Variants in ADGRG7 observed in about 807,000 individuals in gnomAD.
ADGRG7 encodes the protein G-protein coupled receptor 128.
ADGRG7 carries 82 observed loss-of-function variants against 88.6 expected under a neutral mutation model. The ratio of observed to expected loss-of-function variants is 0.93; its 90% CI spans 0.77 to 1.11. ADGRG7 has a LOEUF of 1.11. Among genes scored for constraint, ADGRG7 ranks in the 50% most tolerant of loss-of-function variants. The probability of loss-of-function intolerance (pLI) is 0.00; values close to 1 mark genes in which losing one functional copy is unlikely to be tolerated. For synonymous variants in ADGRG7, 381 were observed against 345.2 expected (o/e 1.10, Z -1.15); for missense variants, 945 against 953.4 (o/e 0.99, Z 0.12).
intron 10 of ADGRG7, 124 bp downstream of exon 10, chr3:100,646,848 A>G (rs1224123095): frequency 1.1e-6 from 1 of 872,978 alleles, no homozygotes; most frequent in Non-Finnish European, 1.7e-6. Context: ...GATTAAATAG[A>G]AAAACAAGAA....
In ADGRG7 at chr3:100,668,920, C is replaced by T. The variant is rs752315931; in HGVS notation, c.1980-29C>T. On this transcript the variant is annotated intron_variant, in intron 14 of 15. Transcript: ENST00000273352. ...TGATAAGTAAAACCCTAATGAACCA[C>T]ATTATTTTTCTTGTTTTCTTTCACC... 11 of 1,537,924 alleles carry T rather than the reference C, an allele frequency of 7.2e-6. No individual in the cohort carries two copies. In the Admixed American group the frequency reaches 1.9e-4, roughly 27 times the overall value.
At chr3:100,612,278 A>G (rs1707165299) in intron 1 of ADGRG7, among the ~76,000 whole-genome samples, 1 of 152,194 alleles carries the variant, frequency 6.6e-6, no homozygotes, top group Non-Finnish European at 1.5e-5. Context: ...CTGATTTGGC[A>G]GTAAACACTG....
Position 100,649,716 on chromosome 3 carries a change from T to C in ADGRG7, c.1288T>C (p.Tyr430His). The change falls in exon 11 of 16, where the codon TAT (tyrosine) becomes CAT (histidine). Residue 430 changes from tyrosine to histidine, a missense_variant. Coordinates refer to ENST00000273352, the MANE Select transcript of ADGRG7 (RefSeq NM_032787.3). ...TCAGACTTTCAAAAAGGATTATCAA[T>C]ATCCCAAATCACTTGACATATTATC... ...VLMTFKKDYQ[Y>H]PKSLDILSNV... The C allele has an allele frequency of 6.2e-7, 1 of 1,601,632 alleles. No homozygotes were observed. Among genetic ancestry groups the C allele is most frequent in the Non-Finnish European group, 8.5e-7 (1 of 1,169,708 alleles).
intron 6 of ADGRG7, among the ~76,000 whole-genome samples, chr3:100,640,802 G>A (rs907032368): frequency 6.6e-6 from 1 of 152,086 alleles, no homozygotes; most frequent in South Asian, 2.1e-4. Context: ...GGTTATAGGC[G>A]TGAGCCACCG....
In ADGRG7 at chr3:100,691,743, A is replaced by G. The variant is rs369183318; in HGVS notation, c.2137-3001A>G. On this transcript the variant is annotated intron_variant, in intron 15 of 15. Coordinates refer to ENST00000273352, the MANE Select transcript of ADGRG7 (RefSeq NM_032787.3). Reference sequence around the variant, plus strand: ...TGGTGATGACTTTCATTCTAGCCTTATTAACTATCAACTAAGTGAATAAAT... The same window carrying G: ...TGGTGATGACTTTCATTCTAGCCTTGTTAACTATCAACTAAGTGAATAAAT... Among the ~76,000 whole-genome samples, 28 of 118,290 alleles carry G rather than the reference A, an allele frequency of 2.4e-4. No individual in the cohort carries two copies. In the East Asian group the frequency reaches 4.3e-3, roughly 18 times the overall value. 77.6% of individuals were successfully genotyped at this position (118,290 alleles called of 152,430 possible). A position where few individuals can be genotyped will look rare whatever the true frequency, so the allele number is the denominator to read the frequency against.
intron 1 of ADGRG7, among the ~76,000 whole-genome samples, chr3:100,615,891 A>G (rs1388947443): frequency 6.6e-6 from 1 of 152,166 alleles, no homozygotes; most frequent in Non-Finnish European, 1.5e-5. Context: ...CTGAGCCACC[A>G]GCAAAATACC....
intron 14 of ADGRG7, among the ~76,000 whole-genome samples, chr3:100,661,141 A>T (rs1458704875): frequency 6.6e-6 from 1 of 152,194 alleles, no homozygotes; most frequent in Non-Finnish European, 1.5e-5. Flanking sequence ...ATACAACAAG[A>T]GCATTCAGTT....
chr3:100,612,425 C>T (rs539270156), intron 1 of ADGRG7, among the ~76,000 whole-genome samples: 3 of 152,290 alleles, frequency 2.0e-5, no homozygotes, highest in Admixed American at 6.5e-5. Flanking sequence ...AGCCTTTTCA[C>T]ATTGGGCATT....
chr3:100,649,539 A>C (rs980601615), intron 10 of ADGRG7, among the ~76,000 whole-genome samples, 156 bp from the exon 11 acceptor site: 1 of 152,216 alleles, frequency 6.6e-6, no homozygotes, highest in Non-Finnish European at 1.5e-5. Context: ...TAAGGGGTTA[A>C]TGTATTTCGC....
chr3:100,686,607 T>A (rs2094983151), intron 15 of ADGRG7, among the ~76,000 whole-genome samples: 1 of 152,252 alleles, frequency 6.6e-6, no homozygotes, highest in South Asian at 2.1e-4. Context: ...TAGCCAGTTT[T>A]CCCAGCACTA....
chr3:100,641,568 A>G (rs1480412277), intron 6 of ADGRG7, among the ~76,000 whole-genome samples: 2 of 152,244 alleles, frequency 1.3e-5, no homozygotes, highest in Non-Finnish European at 2.9e-5. Flanking sequence ...TGAGGAAGAG[A>G]GTTAATCTAT....
chr3:100,694,614 C>T, intron 15 of ADGRG7, 130 bp from the exon 16 acceptor site: 1 of 847,376 alleles, frequency 1.2e-6, no homozygotes, highest in Non-Finnish European at 1.8e-6. Flanking sequence ...ATGGCAGCTG[C>T]ACACTGGCAA....
intron 11 of ADGRG7, among the ~76,000 whole-genome samples, chr3:100,650,625 A>G (rs190658580): frequency 2.6e-5 from 4 of 152,298 alleles, no homozygotes; most frequent in Non-Finnish European, 4.4e-5. Context: ...TTTTAGTGTG[A>G]CACAACAAGA....
rs9869952 is a variant in ADGRG7, at chr3:100,662,157, A to G, written c.1979+2314A>G. ...TAAGTATACCTTCCTTAGTATCTAT[A>G]TGGGTTGGGGGGAAACAGCCAAATT... On this transcript the variant is annotated intron_variant, in intron 14 of 15. Coordinates refer to ENST00000273352, the MANE Select transcript of ADGRG7 (RefSeq NM_032787.3). Among the ~76,000 whole-genome samples the G allele has an allele frequency of 6.7e-3, 1,023 of 152,270 alleles. 11 individuals are homozygous for G. Among genetic ancestry groups the G allele is most frequent in the African/African-American group, 0.022 (928 of 41,568 alleles).
intron 6 of ADGRG7, among the ~76,000 whole-genome samples, chr3:100,642,482 G>A (rs1707659315): frequency 6.6e-6 from 1 of 152,116 alleles, no homozygotes; most frequent in South Asian, 2.1e-4. Flanking sequence ...ATAAAGATTT[G>A]ACATATAGAA....
chr3:100,623,600 G>A (rs572717140), intron 1 of ADGRG7, among the ~76,000 whole-genome samples: 11 of 152,184 alleles, frequency 7.2e-5, no homozygotes, highest in African/African-American at 2.7e-4. Flanking sequence ...TTGTTACATA[G>A]GTATACGTGT....
chr3:100,623,724 C>T (rs182392801), intron 1 of ADGRG7, among the ~76,000 whole-genome samples: 19 of 152,144 alleles, frequency 1.2e-4, no homozygotes, highest in East Asian at 1.9e-4. Context: ...CAACAGGCCC[C>T]GGTGTGTGTT....
At chr3:100,690,780 T>C (rs1282753306) in intron 15 of ADGRG7, among the ~76,000 whole-genome samples, 1 of 152,218 alleles carries the variant, frequency 6.6e-6, no homozygotes, top group Non-Finnish European at 1.5e-5. Context: ...CCGCCCCTAC[T>C]TGGGGGTGCC....
intron 11 of ADGRG7, among the ~76,000 whole-genome samples, chr3:100,650,541 T>C (rs1221678052): frequency 6.6e-6 from 1 of 152,172 alleles, no homozygotes; most frequent in Non-Finnish European, 1.5e-5. Context: ...ACAATGAAGA[T>C]TTGTCTGAAA....
Sources: allele counts gnomAD v4.1 joint callset (sites outside exome capture counted in the v4.1 genomes callset), GRCh38; gene constraint gnomAD v4.1.1; transcripts MANE v1.5; gene names NCBI Gene and HGNC (gene_info 2026-07-23, HGNC 2026-07-21).